REPS2: variants seen among roughly 807,000 people sequenced by gnomAD.
REPS2 encodes the protein ralBP1-associated Eps domain-containing protein 2.
In REPS2, 23 loss-of-function variants were observed where a neutral mutation model predicts 53.6. That is an observed-to-expected ratio of 0.43 (90% confidence interval 0.31 to 0.61). The LOEUF is 0.61. Ranked by LOEUF, REPS2 falls within the 20% of genes least tolerant of loss-of-function variation. The pLI, the probability that REPS2 is intolerant of heterozygous loss-of-function variation, is 0.11. For missense variants in REPS2, 446 were observed against 534.9 expected, an observed-to-expected ratio of 0.83 and a Z score of 1.64; for synonymous variants, 238 against 218.6, an observed-to-expected ratio of 1.09 and a Z score of -0.78.
At chrX:17,005,205 G>A (rs918004981) in intron 1 of REPS2, among the ~76,000 whole-genome samples, 3 of 111,246 alleles carry the variant, frequency 2.7e-5, no homozygotes, top group Non-Finnish European at 5.7e-5. Flanking sequence ...AGAATTTGTT[G>A]ACTGTATCTT....
intron 14 of REPS2, among the ~76,000 whole-genome samples, chrX:17,105,723 A>G (rs889878610): frequency 8.9e-6 from 1 of 112,144 alleles, no homozygotes; most frequent in Admixed American, 9.4e-5. Context: ...GAGGCAGAAG[A>G]TCCACATTCC....
chrX:17,054,537 T>C (rs2062041226), intron 7 of REPS2, among the ~76,000 whole-genome samples: 1 of 112,295 alleles, frequency 8.9e-6, no homozygotes. Flanking sequence ...TAGTTTCTTG[T>C]CCTATGTCCT....
chrX:16,964,670 C>G (rs780796335), intron 1 of REPS2, among the ~76,000 whole-genome samples: 1 of 98,715 alleles, frequency 1.0e-5, no homozygotes, highest in East Asian at 3.4e-4. Flanking sequence ...TGACCCCCCC[C>G]ACCTCCCTCC....
intron 1 of REPS2, among the ~76,000 whole-genome samples, chrX:17,000,625 C>T (rs952523467): frequency 1.3e-4 from 14 of 111,565 alleles, no homozygotes; most frequent in Non-Finnish European, 1.3e-4. Flanking sequence ...GGCCAAGAAA[C>T]AGAATCAAAG....
intron 14 of REPS2, among the ~76,000 whole-genome samples, chrX:17,104,539 T>A (rs915486304): frequency 2.7e-5 from 3 of 111,973 alleles, no homozygotes; most frequent in South Asian, 3.8e-4. Flanking sequence ...TGTTTCTACT[T>A]CATTGTTCTG....
intron 1 of REPS2, among the ~76,000 whole-genome samples, chrX:16,987,744 A>G (rs1182021849): frequency 3.6e-5 from 4 of 112,447 alleles, no homozygotes; most frequent in Non-Finnish European, 7.5e-5. Flanking sequence ...AATAAAATTT[A>G]TTTACAGAAA....
chrX:17,062,637 A>C, intron 9 of REPS2, 105 bp downstream of exon 9: 1 of 506,664 alleles, frequency 2.0e-6, no homozygotes, highest in Non-Finnish European at 3.1e-6. Context: ...TTTGTTTGAA[A>C]ATGAGCTTTT....
In REPS2 at chrX:17,054,158, C is replaced by T. The variant is rs1447516936; in HGVS notation, c.972-650C>T. On this transcript the variant is annotated intron_variant, in intron 7 of 17. Coordinates refer to ENST00000357277, the MANE Select transcript of REPS2 (RefSeq NM_004726.3). Reference sequence around the variant, plus strand: ...GAAGTTAAGCCTGTTTGAGACTCCCCCTTTCTTCCTTTTTGTCTTATCTGG... The same window carrying T: ...GAAGTTAAGCCTGTTTGAGACTCCCTCTTTCTTCCTTTTTGTCTTATCTGG... Among the ~76,000 whole-genome samples, 5 of 111,924 alleles carry T rather than the reference C, an allele frequency of 4.5e-5. No homozygotes were observed. In the East Asian group the frequency reaches 8.4e-4, roughly 19 times the overall value.
chrX:17,052,572 C>A, intron 7 of REPS2, 127 bp downstream of exon 7: 2 of 421,619 alleles, frequency 4.7e-6, no homozygotes, highest in Non-Finnish European at 7.9e-6. Flanking sequence ...GGAGTGAATA[C>A]AACTCAGATT....
intron 8 of REPS2, among the ~76,000 whole-genome samples, chrX:17,061,109 C>G (rs1439913440): frequency 8.9e-6 from 1 of 111,789 alleles, no homozygotes; most frequent in African/African-American, 3.3e-5. Context: ...TAATACCAGT[C>G]AGAGCCTTGA....
At chrX:17,084,217 C>T (rs2062500639) in intron 13 of REPS2, among the ~76,000 whole-genome samples, 1 of 111,592 alleles carries the variant, frequency 9.0e-6, no homozygotes, top group Non-Finnish European at 1.9e-5. Context: ...GTATAATGTT[C>T]TCAAGGTTCA....
chrX:16,966,070 G>T (rs1012409917), intron 1 of REPS2, among the ~76,000 whole-genome samples: 1 of 112,549 alleles, frequency 8.9e-6, no homozygotes, highest in Non-Finnish European at 1.9e-5. Context: ...GTACTGTCCA[G>T]CTTCGGCTCG....
intron 1 of REPS2, among the ~76,000 whole-genome samples, chrX:16,965,369 C>T (rs1204541777): frequency 2.8e-4 from 31 of 110,510 alleles, no homozygotes; most frequent in South Asian, 2.2e-3. Context: ...GGGGGCTGAC[C>T]CCCCCACCTC....
chrX:16,981,482 G>A (rs182411617), intron 1 of REPS2, among the ~76,000 whole-genome samples: 203 of 113,137 alleles, frequency 1.8e-3, no homozygotes, highest in African/African-American at 5.5e-3. Flanking sequence ...TAATTTACGT[G>A]TTCTCTAGCA....
At chrX:17,073,983 G>T in intron 11 of REPS2, 131 bp from the exon 12 acceptor site, 1 of 403,949 alleles carries the variant, frequency 2.5e-6, no homozygotes, top group Non-Finnish European at 4.3e-6. Context: ...GAAAATGTGG[G>T]AGCCGTCCAG....
chrX:17,173,546 C>G, the REPS2 span, among the ~76,000 whole-genome samples: 7 of 111,929 alleles, frequency 6.3e-5, no homozygotes, highest in Non-Finnish European at 1.1e-4. Flanking sequence ...TTAACATATT[C>G]TATTTGTTAG....
chrX:17,030,552 C>G (rs764125913), intron 5 of REPS2, among the ~76,000 whole-genome samples: 4 of 111,884 alleles, frequency 3.6e-5, no homozygotes, highest in African/African-American at 6.5e-5. Flanking sequence ...TCCTGGGGTT[C>G]ATGGAATACC....
intron 8 of REPS2, among the ~76,000 whole-genome samples, chrX:17,056,019 C>CA (rs1331356576): frequency 1.0e-4 from 11 of 108,298 alleles, no homozygotes; most frequent in Non-Finnish European, 1.7e-4. Context: ...AACAAACAAA[C>CA]AAAAAAAAAA....
the REPS2 span, among the ~76,000 whole-genome samples, chrX:17,187,948 T>G: frequency 8.9e-6 from 1 of 112,650 alleles, no homozygotes; most frequent in South Asian, 3.7e-4. Flanking sequence ...AATTATATCA[T>G]TTTGTACCCC....
Sources: allele counts gnomAD v4.1 joint callset (sites outside exome capture counted in the v4.1 genomes callset), GRCh38; gene constraint gnomAD v4.1.1; transcripts MANE v1.5; gene names NCBI Gene and HGNC (gene_info 2026-07-23, HGNC 2026-07-21).